ZNF277: variants seen among roughly 807,000 people sequenced by gnomAD.
ZNF277 encodes the protein nuclear receptor-interacting factor 4.
ZNF277 carries 55 observed loss-of-function variants against 60.7 expected under a neutral mutation model. That is an observed-to-expected ratio of 0.91 (90% CI 0.73 to 1.13). The LOEUF is 1.13. Ranked by LOEUF, ZNF277 falls within the 50% of genes most tolerant of loss-of-function variation. ZNF277 has a pLI of 0.00. For synonymous variants in ZNF277, 178 were observed against 179.3 expected, an observed-to-expected ratio of 0.99 and a Z score of 0.06; for missense variants, 510 against 523.0, an observed-to-expected ratio of 0.98 and a Z score of 0.24.
At chr7:112,335,140 A>G (rs1793304816) in intron 7 of ZNF277, among the ~76,000 whole-genome samples, 1 of 152,086 alleles carries the variant, frequency 6.6e-6, no homozygotes, top group South Asian at 2.1e-4. Flanking sequence ...TATTTGGGGG[A>G]AAAAGAGTCC....
At position 112,339,849 on chromosome 7, in the gene ZNF277, C is replaced by T. The variant is rs746487627; in HGVS notation, c.973C>T (p.His325Tyr). 5.6e-6 allele frequency: 9 copies of T among 1,611,808 alleles called. No homozygotes were observed. The African/African-American group carries it at 1.2e-4, about 22-fold the overall frequency. Reference sequence around the variant, plus strand: ...GTATTCATTCCTTTTTTAGGATGCACACGAATTTGATCTTCTCAAAATAAA... The same window carrying T: ...GTATTCATTCCTTTTTTAGGATGCATACGAATTTGATCTTCTCAAAATAAA... ...EKLYVHMEDAHEFDLLKIKSE... is the reference protein window; with the variant it reads ...EKLYVHMEDAYEFDLLKIKSE... The change falls in exon 10 of 12, where the codon CAC becomes TAC. Residue 325 changes from histidine (H) to tyrosine (Y), a missense_variant. Physicochemically the swap from His to Tyr is moderately conservative, Grantham distance 83. Coordinates refer to ENST00000361822, the MANE Select transcript of ZNF277 (RefSeq NM_021994.3).
At chr7:112,251,214 A>T (rs140152769) in intron 1 of ZNF277, among the ~76,000 whole-genome samples, 3 of 152,110 alleles carry the variant, frequency 2.0e-5, no homozygotes, top group Admixed American at 6.6e-5. Flanking sequence ...CTGCATGTTT[A>T]TGTGCTAAAT....
intron 1 of ZNF277, among the ~76,000 whole-genome samples, chr7:112,281,606 A>G (rs1032083100): frequency 6.6e-6 from 1 of 152,200 alleles, no homozygotes; most frequent in Non-Finnish European, 1.5e-5. Context: ...CCATAGCACT[A>G]AACATCTGGC....
intron 5 of ZNF277, among the ~76,000 whole-genome samples, chr7:112,323,583 G>C (rs1321573482): frequency 2.0e-5 from 3 of 152,174 alleles, no homozygotes; most frequent in African/African-American, 7.2e-5. Flanking sequence ...TGGAGCTAAG[G>C]GGAGGAGAAT....
At position 112,266,242 on chromosome 7, in the gene ZNF277, G is replaced by T. The variant is rs142242772; in HGVS notation, c.92-20631G>T. On this transcript the variant is annotated intron_variant, in intron 1 of 11. Coordinates refer to ENST00000361822, the MANE Select transcript of ZNF277 (RefSeq NM_021994.3). ...CTCACTGCAACCTCCCATCTCCTGGGTTCAAGGGATTCTGCTGCCTCAGCC... is the reference window on the plus strand; with the variant it reads ...CTCACTGCAACCTCCCATCTCCTGGTTTCAAGGGATTCTGCTGCCTCAGCC... Among the ~76,000 whole-genome samples, 59 of 152,130 alleles carry T rather than the reference G, an allele frequency of 3.9e-4. 1 individual carries two copies. In the East Asian group the frequency reaches 0.01, roughly 26 times the overall value.
At chr7:112,210,521 GA>G (rs1209990763) in intron 1 of ZNF277, among the ~76,000 whole-genome samples, 1 of 150,558 alleles carries the variant, frequency 6.6e-6, no homozygotes, top group East Asian at 1.9e-4. Context: ...ACCCAAGCTG[GA>G]GTGGAGTGGC....
At chr7:112,341,085 A>G in intron 11 of ZNF277, 39 bp downstream of exon 11, 4 of 1,515,290 alleles carry the variant, frequency 2.6e-6, no homozygotes, top group South Asian at 2.8e-5. Context: ...TCTTACTCCA[A>G]CTCTTTGATT....
At chr7:112,322,727 T>C (rs1326127367) in intron 5 of ZNF277, among the ~76,000 whole-genome samples, 1 of 151,998 alleles carries the variant, frequency 6.6e-6, no homozygotes, top group African/African-American at 2.4e-5. Flanking sequence ...TTCTCAGGGG[T>C]GATTTCTGTT....
At chr7:112,289,912 T>G (rs1181594329) in intron 2 of ZNF277, among the ~76,000 whole-genome samples, 1 of 151,866 alleles carries the variant, frequency 6.6e-6, no homozygotes, top group African/African-American at 2.4e-5. Context: ...TTTCTTATAC[T>G]TTAAGTTTTA....
At chr7:112,335,632 CAA>C (rs780123614) in intron 7 of ZNF277, among the ~76,000 whole-genome samples, 1 of 152,124 alleles carries the variant, frequency 6.6e-6, no homozygotes, top group African/African-American at 2.4e-5. Flanking sequence ...AAATTGACCT[CAA>C]GTGTATTTTT....
At chr7:112,211,787 A>G (rs1291904641) in intron 1 of ZNF277, among the ~76,000 whole-genome samples, 1 of 152,134 alleles carries the variant, frequency 6.6e-6, no homozygotes, top group Non-Finnish European at 1.5e-5. Flanking sequence ...TCCACTTACC[A>G]TGTCACACTG....
chr7:112,339,452 G>A (rs1446799036), intron 9 of ZNF277, among the ~76,000 whole-genome samples: 1 of 152,142 alleles, frequency 6.6e-6, no homozygotes, highest in Non-Finnish European at 1.5e-5. Flanking sequence ...CTGAGTAGCT[G>A]GGATTACAGG....
chr7:112,285,049 G>T lies in ZNF277; in HGVS notation c.92-1824G>T, dbSNP rs111297991. ...TATATAATTTCTTTTTTTTCTTTTT[G>T]AGACAGAGTCACGCTCTGTCACCAG... is the stretch of plus-strand genomic sequence containing the variant. On this transcript the variant is annotated intron_variant, in intron 1 of 11. Transcript: ENST00000361822. 8.6e-5 allele frequency among the ~76,000 whole-genome samples: 13 copies of T among 150,816 alleles called. 2 individuals are homozygous for T. Among genetic ancestry groups the T allele is most frequent in the African/African-American group, 2.7e-4 (11 of 41,094 alleles).
chr7:112,286,595 A>C (rs994150346), intron 1 of ZNF277, among the ~76,000 whole-genome samples: 1 of 152,162 alleles, frequency 6.6e-6, no homozygotes, highest in Non-Finnish European at 1.5e-5. Flanking sequence ...TCCAAGAAGA[A>C]GGCTTGAACA....
At chr7:112,259,336 A>G (rs752050837) in intron 1 of ZNF277, among the ~76,000 whole-genome samples, 2 of 152,204 alleles carry the variant, frequency 1.3e-5, no homozygotes, top group African/African-American at 2.4e-5. Context: ...AAATATTAGA[A>G]GGAAAGTCAG....
chr7:112,330,131 T>G lies in ZNF277; in HGVS notation c.716T>G (p.Leu239Arg), dbSNP rs747760607. 6.2e-7 allele frequency: 1 copy of G among 1,613,456 alleles called. No individual in the cohort carries two copies. Among genetic ancestry groups the G allele is most frequent in the Non-Finnish European group, 8.5e-7 (1 of 1,179,738 alleles). Residue 239 changes from leucine (L) to arginine (R), a missense_variant, in exon 7 of 12, where the codon CTT becomes CGT. Transcript: ENST00000361822. Reference sequence around the variant, plus strand: ...AAGACCTTCAGGGACAAAAATACACTTAAAGATCACATGAGGAAAAAACAG... The same window carrying G: ...AAGACCTTCAGGGACAAAAATACACGTAAAGATCACATGAGGAAAAAACAG... Reference protein sequence around the residue: ...CEKTFRDKNTLKDHMRKKQHR... With the variant: ...CEKTFRDKNTRKDHMRKKQHR...
At chr7:112,290,855 C>CA (rs1792190004) in intron 2 of ZNF277, among the ~76,000 whole-genome samples, 1 of 152,040 alleles carries the variant, frequency 6.6e-6, no homozygotes, top group Non-Finnish European at 1.5e-5. Context: ...TTTTAGAAGA[C>CA]AAGGTATAAG....
chr7:112,336,688 T>C (rs902579432), intron 8 of ZNF277, among the ~76,000 whole-genome samples: 25 of 152,228 alleles, frequency 1.6e-4, no homozygotes, highest in African/African-American at 4.8e-4. Context: ...TTTGGCCTTT[T>C]TTCTCTCTCA....
intron 1 of ZNF277, among the ~76,000 whole-genome samples, chr7:112,208,801 C>T (rs989320646): frequency 6.6e-6 from 1 of 151,594 alleles, no homozygotes; most frequent in African/African-American, 2.4e-5. Context: ...CTGCCTCAGC[C>T]TCCCGAGTAA....
Sources: allele counts gnomAD v4.1 joint callset (sites outside exome capture counted in the v4.1 genomes callset), GRCh38; gene constraint gnomAD v4.1.1; transcripts MANE v1.5; gene names NCBI Gene and HGNC (gene_info 2026-07-23, HGNC 2026-07-21).